The following CEP128 variants were observed in gnomAD, a reference collection of about 807,000 sequenced individuals.
CEP128 encodes centrosomal protein 128.
CEP128 carries 132 observed loss-of-function variants against 156.7 expected under a neutral mutation model. The ratio of observed to expected loss-of-function variants is 0.84; its 90% confidence interval spans 0.73 to 0.97. The LOEUF (loss-of-function observed/expected upper bound fraction) is 0.97, where lower values mean the gene tolerates loss of function less well. Among genes scored for constraint, CEP128 ranks in the 50% least tolerant of loss-of-function variants. CEP128 has a pLI of 0.00. For missense variants in CEP128, 1,252 were observed against 1,281.9 expected (o/e 0.98, Z 0.36); for synonymous variants, 469 against 448.9 (o/e 1.04, Z -0.57).
At position 80,615,606 on chromosome 14, in the gene CEP128, T is replaced by C. The variant is rs74066005; in HGVS notation, c.2807-35183A>G. 7.9e-3 allele frequency among the ~76,000 whole-genome samples: 1,202 copies of C among 152,248 alleles called. 23 individuals carry two copies. The highest frequency in any genetic ancestry group is 0.027 in the African/African-American group (1,136 of 41,544). On this transcript the variant is annotated intron_variant, in intron 19 of 24. Transcript: ENST00000555265. ...AATAAATTGCTAAGAAGTGACGGCATTGGGAGGCCAAGGTGGGTGGATCAC... is the reference window on the plus strand; with the variant it reads ...AATAAATTGCTAAGAAGTGACGGCACTGGGAGGCCAAGGTGGGTGGATCAC...
chr14:80,885,312 C>G (rs577756252), intron 8 of CEP128, among the ~76,000 whole-genome samples: 3 of 152,308 alleles, frequency 2.0e-5, no homozygotes, highest in Non-Finnish European at 4.4e-5. Context: ...GGATGCCTGA[C>G]CCCCGTGCCC....
chr14:80,540,632 C>G (rs1297341224), intron 21 of CEP128, among the ~76,000 whole-genome samples: 1 of 152,186 alleles, frequency 6.6e-6, no homozygotes, highest in Non-Finnish European at 1.5e-5. Context: ...ATGACATCCT[C>G]TCATTTACTC....
chr14:80,928,829 A>C (rs1454675898), intron 2 of CEP128, among the ~76,000 whole-genome samples: 2 of 152,184 alleles, frequency 1.3e-5, no homozygotes, highest in African/African-American at 4.8e-5. Flanking sequence ...CTAGGCAACA[A>C]ATTTATGACT....
chr14:80,496,468 A>C (rs187834468), downstream of CEP128: 1 of 152,760 alleles, frequency 6.5e-6, no homozygotes, highest in African/African-American at 2.4e-5. Flanking sequence ...TTTAACAAAC[A>C]CAAAATGTAA....
chr14:80,909,955 A>C (rs1884113733), intron 4 of CEP128, among the ~76,000 whole-genome samples: 1 of 152,186 alleles, frequency 6.6e-6, no homozygotes, highest in African/African-American at 2.4e-5. Flanking sequence ...TCTATGATGG[A>C]TGATGTTATT....
At chr14:80,711,429 A>G (rs772668670) in intron 19 of CEP128, among the ~76,000 whole-genome samples, 1 of 152,074 alleles carries the variant, frequency 6.6e-6, no homozygotes. Context: ...TCAAACATAC[A>G]TAAGAAAGAG....
chr14:80,667,392 A>T (rs1264022175), intron 19 of CEP128, among the ~76,000 whole-genome samples: 1 of 152,240 alleles, frequency 6.6e-6, no homozygotes, highest in African/African-American at 2.4e-5. Flanking sequence ...AAAATGATTT[A>T]GAAATGTGGG....
intron 21 of CEP128, among the ~76,000 whole-genome samples, chr14:80,558,828 A>G (rs901944483): frequency 1.3e-5 from 2 of 152,242 alleles, no homozygotes; most frequent in African/African-American, 4.8e-5. Context: ...TATTCAGAAA[A>G]AGCTGGCATG....
At chr14:80,520,989 ATTTTTTTT>A (rs533538115) in intron 23 of CEP128, among the ~76,000 whole-genome samples, 15 of 114,602 alleles carry the variant, frequency 1.3e-4, no homozygotes, top group African/African-American at 2.7e-4. Flanking sequence ...CGCCCAGCTA[ATTTTTTTT>A]TTTTTTTTTT....
chr14:80,954,045 G>A (rs573948014), intron 2 of CEP128, among the ~76,000 whole-genome samples: 1 of 152,090 alleles, frequency 6.6e-6, no homozygotes, highest in Admixed American at 6.6e-5. Context: ...CGAGGCGGGC[G>A]GATCACGAGG....
chr14:80,601,725 T>C (rs1281527466), intron 19 of CEP128, among the ~76,000 whole-genome samples: 1 of 152,126 alleles, frequency 6.6e-6, no homozygotes, highest in Non-Finnish European at 1.5e-5. Context: ...TTTACAAATA[T>C]CTAAACATAG....
In CEP128 at chr14:80,551,181, A is replaced by T. The variant is rs916356633; in HGVS notation, c.2880+8098T>A. Among the ~76,000 whole-genome samples the T allele has an allele frequency of 2.0e-5, 3 of 152,188 alleles. No individual in the cohort carries two copies. The South Asian group carries it at 6.2e-4, about 31-fold the overall frequency. On this transcript the variant is annotated intron_variant, in intron 21 of 24. Coordinates refer to ENST00000555265, the MANE Select transcript of CEP128 (RefSeq NM_152446.5). The stretch of plus-strand genomic sequence containing the variant: ...TGTTGAAAGCAAAGAATGAGAAACC[A>T]CCTGACTTACCAAAGGACTATAATG...
intron 15 of CEP128, among the ~76,000 whole-genome samples, chr14:80,778,703 G>C (rs1475251155): frequency 6.6e-6 from 1 of 152,052 alleles, no homozygotes; most frequent in Non-Finnish European, 1.5e-5. Context: ...TTTATTTAGG[G>C]TATAACCAGA....
intron 19 of CEP128, among the ~76,000 whole-genome samples, chr14:80,693,720 C>T (rs1000213155): frequency 3.3e-5 from 5 of 152,094 alleles, no homozygotes; most frequent in Admixed American, 6.6e-5. Context: ...TTAAGTGTAT[C>T]TATAAGTCAG....
rs767453383 is a variant in CEP128 at position 80,530,812 on chromosome 14, G to C, written c.2955C>G (p.Phe985Leu). The change falls in exon 22 of 25, where the codon TTC becomes TTG. Residue 985 changes from phenylalanine (F) to leucine (L), a missense_variant. Physicochemically the swap from Phe to Leu is conservative, Grantham distance 22 (BLOSUM62 0). Transcript: ENST00000555265. The part of the protein sequence containing the change: ...KLSLLEDFKD[F>L]RDSCSSSERT... ...AGACAAGCCAACTCTTTCTCACTCT[G>C]AAGTCTTTGAAATCTTCTAGTAGGC... The C allele has an allele frequency of 6.2e-7, 1 of 1,601,118 alleles. No individual in the cohort carries two copies. The highest frequency in any genetic ancestry group is 1.3e-5 in the African/African-American group (1 of 74,662).
chr14:80,768,172 G>A (rs528574481), intron 16 of CEP128, among the ~76,000 whole-genome samples: 8 of 152,124 alleles, frequency 5.3e-5, no homozygotes, highest in African/African-American at 1.2e-4. Context: ...ATAACTTCTC[G>A]TGCTACAGTA....
At chr14:80,554,246 T>G (rs1257040118) in intron 21 of CEP128, among the ~76,000 whole-genome samples, 1 of 152,232 alleles carries the variant, frequency 6.6e-6, no homozygotes, top group Non-Finnish European at 1.5e-5. Flanking sequence ...TGATGAATTA[T>G]TCTTTTTAAA....
At chr14:80,922,950 T>C (rs1884952974) in intron 2 of CEP128, among the ~76,000 whole-genome samples, 1 of 152,232 alleles carries the variant, frequency 6.6e-6, no homozygotes, top group Non-Finnish European at 1.5e-5. Context: ...TACTACCACC[T>C]GCTGGTGCAA....
intron 2 of CEP128, among the ~76,000 whole-genome samples, chr14:80,929,923 A>T: frequency 6.6e-6 from 1 of 152,222 alleles, no homozygotes; most frequent in East Asian, 1.9e-4. Flanking sequence ...ACCGGGATGC[A>T]GAGCAGCAGG....
Sources: gnomAD v4.1 joint callset for allele counts (sites outside exome capture counted in the v4.1 genomes callset) on GRCh38, gnomAD v4.1.1 for gene constraint, MANE v1.5 for transcripts, NCBI Gene and HGNC (gene_info 2026-07-23, HGNC 2026-07-21) for gene names.